TLN1: variants seen among roughly 807,000 people sequenced by gnomAD.
The protein encoded by TLN1 is talin 1, also known as talin-1.
A neutral mutation model predicts 292.3 loss-of-function variants in TLN1; 56 were observed. The ratio of observed to expected loss-of-function variants is 0.19; its 90% CI spans 0.15 to 0.24. TLN1 has a LOEUF of 0.24. Ranked by LOEUF, TLN1 falls within the 10% of genes least tolerant of loss-of-function variation. The pLI, the probability that TLN1 is intolerant of heterozygous loss-of-function variation, is 1.00. For synonymous variants in TLN1, 1,119 were observed against 1,253.7 expected (o/e 0.89, Z 2.27); for missense variants, 2,433 against 3,248.2 (o/e 0.75, Z 6.10).
chr9:35,719,506 G>A lies in TLN1; in HGVS notation c.1687+13C>T. On this transcript the variant is annotated intron_variant, in intron 15 of 56. Transcript: ENST00000314888. The surrounding 1 kb of genome is among the most constrained non-coding windows in gnomAD (Gnocchi z 4.6). ...CTCCCCATCACACACCCGGAAGCTA[G>A]CATCCGGCCTACCTGCTGTCAGGTT... 1 of 1,610,058 alleles carries A rather than the reference G, an allele frequency of 6.2e-7. No homozygotes were observed. The highest frequency in any genetic ancestry group is 8.5e-7 in the Non-Finnish European group (1 of 1,176,588).
chr9:35,717,294 T>G lies in TLN1; in HGVS notation c.2310A>C (p.Ala770=), dbSNP rs768790636. 1 of 1,614,178 alleles carries G rather than the reference T, an allele frequency of 6.2e-7. No individual in the cohort carries two copies. The highest frequency in any genetic ancestry group is 1.7e-5 in the Admixed American group (1 of 60,034). The change falls in exon 19 of 57, where the codon GCA becomes GCC. Residue 770 remains alanine, a synonymous_variant. Coordinates refer to ENST00000314888, the MANE Select transcript of TLN1 (RefSeq NM_006289.4). This position sits in a 1 kb window ranked among gnomAD's most constrained non-coding sequence, Gnocchi z 4.7. ...TTAGGGCCTGGGTGACAGCTGTGGC[T>G]GCTGCTCCTACCCCTCGCAACAGTT... ...DGQLLRGVGA[A]ATAVTQALNE...
rs373052691 is a variant in TLN1, at chr9:35,724,130, C to G, written c.655-51G>C. On this transcript the variant is annotated intron_variant, in intron 6 of 56. Coordinates refer to ENST00000314888, the MANE Select transcript of TLN1 (RefSeq NM_006289.4). The surrounding 1 kb of genome is among the most constrained non-coding windows in gnomAD (Gnocchi z 4.7). ...AATGTTGTGTGTGGGTGCAAGGACA[C>G]GCACACTGTGCTTCCGAGCCCTCCC... The G allele has an allele frequency of 1.9e-6, 3 of 1,613,456 alleles. No homozygotes were observed. Among genetic ancestry groups the G allele is most frequent in the Non-Finnish European group, 2.5e-6 (3 of 1,179,478 alleles).
chr9:35,708,600 A>C (rs912879045), intron 33 of TLN1, 116 bp from the exon 34 acceptor site: 1 of 1,067,074 alleles, frequency 9.4e-7, no homozygotes, highest in African/African-American at 1.6e-5. Context: ...CTTATTTTCC[A>C]GAGTTCTCCA....
At position 35,719,764 on chromosome 9, in the gene TLN1, A is replaced by G. The variant is rs1248360368; in HGVS notation, c.1554T>C (p.Thr518=). ...AAQATLDDFD[T]LPPLGQDAAS... ...CAGCATCCTGGCCAAGAGGCGGCAG[A>G]GTGTCAAAGTCATCCAGGGTGGCCT... Residue 518 remains threonine (T), a synonymous_variant, in exon 14 of 57, where the codon ACT becomes ACC. Coordinates refer to ENST00000314888, the MANE Select transcript of TLN1 (RefSeq NM_006289.4). This position sits in a 1 kb window ranked among gnomAD's most constrained non-coding sequence, Gnocchi z 4.6. The G allele has an allele frequency of 1.2e-6, 2 of 1,608,518 alleles. No individual in the cohort carries two copies. Among genetic ancestry groups the G allele is most frequent in the Non-Finnish European group, 1.7e-6 (2 of 1,177,448 alleles).
chr9:35,714,646 T>C lies in TLN1; in HGVS notation c.2913A>G (p.Arg971=). 6.2e-7 allele frequency: 1 copy of C among 1,613,920 alleles called. No individual in the cohort carries two copies. Among genetic ancestry groups the C allele is most frequent in the South Asian group, 1.1e-5 (1 of 91,088 alleles). ...GGCTGTCAGGCTGGGCTTGGCTTCC[T>C]CGGACGCCCTGCACCAGCAGTGGAA... ...EQIPLLVQGV[R]GSQAQPDSPS... Residue 971 remains arginine (R), a synonymous_variant, in exon 23 of 57, where the codon CGA becomes CGG. Transcript: ENST00000314888. The surrounding 1 kb of genome is among the most constrained non-coding windows in gnomAD (Gnocchi z 4.6).
At chr9:35,700,494 G>T in intron 48 of TLN1, 118 bp from the exon 49 acceptor site, 1 of 1,091,484 alleles carries the variant, frequency 9.2e-7, no homozygotes, top group Non-Finnish European at 1.3e-6. Flanking sequence ...ATGTAACAAG[G>T]CAGTTGGTTA....
At position 35,714,495 on chromosome 9, in the gene TLN1, C is replaced by A; in HGVS notation, c.2985+79G>T. ...TTGGTATTGGGAAAGAGGCTCTTGG[C>A]AGAGATTCAAACTGTGGGAGATGGA... On this transcript the variant is annotated intron_variant, in intron 23 of 56. Transcript: ENST00000314888. The surrounding 1 kb of genome is among the most constrained non-coding windows in gnomAD (Gnocchi z 4.6). The A allele has an allele frequency of 6.3e-7, 1 of 1,584,606 alleles. No homozygotes were observed. Among genetic ancestry groups the A allele is most frequent in the Non-Finnish European group, 8.6e-7 (1 of 1,168,976 alleles).
Position 35,707,053 on chromosome 9 carries a change from G to C in TLN1, c.4955+19C>G, listed in dbSNP as rs1825577010. On this transcript the variant is annotated intron_variant, in intron 37 of 56. Transcript: ENST00000314888. The surrounding 1 kb of genome is among the most constrained non-coding windows in gnomAD (Gnocchi z 5.6). ...CAATGTATGCCCCCCAGCCACACTG[G>C]TTCCCCATCCCTCAATACCTCATGC... is the stretch of plus-strand genomic sequence containing the variant. The C allele has an allele frequency of 6.2e-7, 1 of 1,610,276 alleles. No individual in the cohort carries two copies. Among genetic ancestry groups the C allele is most frequent in the Non-Finnish European group, 8.5e-7 (1 of 1,179,018 alleles).
At position 35,720,106 on chromosome 9, in the gene TLN1, C is replaced by A; in HGVS notation, c.1397G>T (p.Gly466Val). The change falls in exon 13 of 57, where the codon GGC (glycine) becomes GTC (valine). Residue 466 changes from glycine to valine, a missense_variant. Coordinates refer to ENST00000314888, the MANE Select transcript of TLN1 (RefSeq NM_006289.4). ...CTGCTGCTGGGCAGGGGGCATGCTG[C>A]CCACCTGGAAATTCTCAGGACCAGA... ...GASGPENFQV[G>V]SMPPAQQQIT... 1 of 1,611,966 alleles carries A rather than the reference C, an allele frequency of 6.2e-7. No individual in the cohort carries two copies. The highest frequency in any genetic ancestry group is 1.1e-5 in the South Asian group (1 of 90,806).
chr9:35,718,464 G>T (rs886074195), intron 17 of TLN1, among the ~76,000 whole-genome samples: 1 of 152,166 alleles, frequency 6.6e-6, no homozygotes, highest in Admixed American at 6.5e-5. Flanking sequence ...GAGCGGGAAG[G>T]GGGAGAGCTA....
intron 43 of TLN1, 78 bp downstream of exon 43, chr9:35,705,473 T>TG: frequency 1.4e-6 from 2 of 1,387,122 alleles, no homozygotes; most frequent in Non-Finnish European, 1.9e-6. Flanking sequence ...CCAGAGAGGG[T>TG]GGGGGTGGGA....
In TLN1 at chr9:35,706,909, A is replaced by G; in HGVS notation, c.4956-9T>C. On this transcript the variant is annotated splice_polypyrimidine_tract_variant and intron_variant, in intron 37 of 56. Coordinates refer to ENST00000314888, the MANE Select transcript of TLN1 (RefSeq NM_006289.4). The surrounding 1 kb of genome is among the most constrained non-coding windows in gnomAD (Gnocchi z 4.2). ...GCCCTGGAGCCTTGTCCCTGCAGAC[A>G]CATCATGGGCTCCAACACCAAGAAC... 6.2e-7 allele frequency: 1 copy of G among 1,613,606 alleles called. No individual in the cohort carries two copies. Among genetic ancestry groups the G allele is most frequent in the Non-Finnish European group, 8.5e-7 (1 of 1,179,882 alleles).
In TLN1 at chr9:35,719,453, T is replaced by C. The variant is rs1825843576; in HGVS notation, c.1687+66A>G. ...ACAGTCACACATGAAGCCAGTCACA[T>C]GCATGCCTGTGCACACTTGCACCCC... On this transcript the variant is annotated intron_variant, in intron 15 of 56. Coordinates refer to ENST00000314888, the MANE Select transcript of TLN1 (RefSeq NM_006289.4). This position sits in a 1 kb window ranked among gnomAD's most constrained non-coding sequence, Gnocchi z 4.6. 6.9e-7 allele frequency: 1 copy of C among 1,444,342 alleles called. No homozygotes were observed. The highest frequency in any genetic ancestry group is 9.7e-7 in the Non-Finnish European group (1 of 1,026,686). The allele number at this position is 1,444,342 out of a possible 1,614,324, so 89.5% of individuals were successfully genotyped here.
intron 2 of TLN1, 23 bp from the exon 3 acceptor site, chr9:35,725,344 T>G: frequency 6.2e-7 from 1 of 1,612,246 alleles, no homozygotes. Context: ...ATGGATCACT[T>G]TAGGCTTATG....
intron 25 of TLN1, 141 bp from the exon 26 acceptor site, chr9:35,713,439 G>T (rs1054104933): frequency 9.7e-6 from 6 of 620,788 alleles, no homozygotes; most frequent in South Asian, 2.5e-5. Flanking sequence ...ATCCTAGCAC[G>T]TTGGGAGGCT....
rs560048567 is a variant in TLN1 at position 35,712,843 on chromosome 9, G to A, written c.3553C>T (p.Leu1185Phe). ...HPGDPESQQR[L>F]AQVAKAVTQA... is the part of the protein sequence containing the mutation. ...CTTTCCCAGTATCTGACCTGGGCAA[G>A]CCGCTGCTGGCTCTCAGGGTCCCCT... The change falls in exon 27 of 57, where the codon CTT becomes TTT. Residue 1185 changes from leucine to phenylalanine, a missense_variant. Coordinates refer to ENST00000314888, the MANE Select transcript of TLN1 (RefSeq NM_006289.4). 29 of 1,578,600 alleles carry A rather than the reference G, an allele frequency of 1.8e-5. No individual in the cohort carries two copies. The East Asian group carries it at 6.7e-4, about 36-fold the overall frequency.
rs757778441 is a variant in TLN1 at position 35,710,594 on chromosome 9, C to T, written c.4293G>A (p.Lys1431=). 2 of 1,614,028 alleles carry T rather than the reference C, an allele frequency of 1.2e-6. No homozygotes were observed. The highest frequency in any genetic ancestry group is 1.1e-5 in the South Asian group (1 of 91,070). ...CTGCCTCGGTGAAGCCACAAAGTGC[C>T]TTTGAGGCTGTGGAAATGGCATCTC... ...EFGDAISTAS[K]ALCGFTEAAA... Residue 1431 remains lysine (K), a synonymous_variant, in exon 33 of 57, where the codon AAG becomes AAA. Coordinates refer to ENST00000314888, the MANE Select transcript of TLN1 (RefSeq NM_006289.4).
chr9:35,704,662 C>T lies in TLN1; in HGVS notation c.5880+7G>A. On this transcript the variant is annotated splice_region_variant and intron_variant, in intron 44 of 56. Coordinates refer to ENST00000314888, the MANE Select transcript of TLN1 (RefSeq NM_006289.4). This position sits in a 1 kb window ranked among gnomAD's most constrained non-coding sequence, Gnocchi z 6.9. Reference sequence around the variant, plus strand: ...GTCCCACCATCTGCAGGGATGAGCACCGTCACCTTCTCAGAGACTCTCCGG... The same window carrying T: ...GTCCCACCATCTGCAGGGATGAGCATCGTCACCTTCTCAGAGACTCTCCGG... 1 of 1,613,806 alleles carries T rather than the reference C, an allele frequency of 6.2e-7. No individual in the cohort carries two copies. Among genetic ancestry groups the T allele is most frequent in the Non-Finnish European group, 8.5e-7 (1 of 1,179,950 alleles).
At chr9:35,722,301 A>T in intron 8 of TLN1, 78 bp from the exon 9 acceptor site, 1 of 1,254,502 alleles carries the variant, frequency 8.0e-7, no homozygotes. Context: ...GCTAACTCTA[A>T]CGAGAGAGAA....
Sources: allele counts gnomAD v4.1 joint callset (sites outside exome capture counted in the v4.1 genomes callset), GRCh38; gene constraint gnomAD v4.1.1; non-coding constraint Gnocchi (gnomAD v3.1); transcripts MANE v1.5; gene names NCBI Gene and HGNC (gene_info 2026-07-23, HGNC 2026-07-21).